Variants in EFNA5 observed in about 807,000 individuals in gnomAD.
EFNA5 encodes the protein ephrin A5, also known as ephrin-A5.
In EFNA5, 5 loss-of-function variants were observed where a neutral mutation model predicts 22.9. That is an observed-to-expected ratio of 0.22 (90% CI 0.11 to 0.46). The LOEUF is 0.46. Among genes scored for constraint, EFNA5 ranks in the 20% least tolerant of loss-of-function variants. EFNA5 has a pLI of 0.99. For synonymous variants in EFNA5, 113 were observed against 112.2 expected, an observed-to-expected ratio of 1.01 and a Z score of -0.04; for missense variants, 237 against 293.3, an observed-to-expected ratio of 0.81 and a Z score of 1.40.
chr5:107,503,009 C>T (rs560399855), intron 1 of EFNA5, among the ~76,000 whole-genome samples: 35 of 152,174 alleles, frequency 2.3e-4, no homozygotes, highest in Middle Eastern at 3.4e-3. Context: ...GGCTTTTGCC[C>T]GAGTCTGAAA....
At chr5:107,479,665 C>T (rs1750405950) in intron 1 of EFNA5, among the ~76,000 whole-genome samples, 1 of 152,124 alleles carries the variant, frequency 6.6e-6, no homozygotes, top group African/African-American at 2.4e-5. Flanking sequence ...CAACTCCCTC[C>T]CTATGCAAAT....
intron 1 of EFNA5, among the ~76,000 whole-genome samples, chr5:107,557,500 G>A (rs145426674): frequency 6.6e-4 from 101 of 152,332 alleles, no homozygotes; most frequent in African/African-American, 2.3e-3. Flanking sequence ...CGGTGCCTGG[G>A]GCAATGTGGT....
At chr5:107,513,259 A>AGG (rs1219080286) in intron 1 of EFNA5, among the ~76,000 whole-genome samples, 6 of 152,104 alleles carry the variant, frequency 3.9e-5, no homozygotes, top group Non-Finnish European at 7.4e-5. Context: ...GGAGAGGGAG[A>AGG]GGGAGAGAGA....
chr5:107,431,832 C>T (rs933624266), intron 1 of EFNA5, among the ~76,000 whole-genome samples: 2 of 152,126 alleles, frequency 1.3e-5, no homozygotes, highest in Non-Finnish European at 1.5e-5. Context: ...ATGAAATCCT[C>T]GAAACAACCC....
intron 1 of EFNA5, among the ~76,000 whole-genome samples, chr5:107,485,794 T>C (rs1746600890): frequency 6.6e-6 from 1 of 152,218 alleles, no homozygotes; most frequent in South Asian, 2.1e-4. Flanking sequence ...CTGTCTCAGA[T>C]AAAGTTCTCC....
At chr5:107,451,675 T>C (rs1407416264) in intron 1 of EFNA5, among the ~76,000 whole-genome samples, 2 of 152,110 alleles carry the variant, frequency 1.3e-5, no homozygotes, top group Non-Finnish European at 2.9e-5. Context: ...AGCATATAAA[T>C]TAAACAAGCC....
intron 2 of EFNA5, among the ~76,000 whole-genome samples, chr5:107,416,464 G>GT (rs746750131): frequency 3.9e-5 from 6 of 152,110 alleles, no homozygotes; most frequent in Non-Finnish European, 5.9e-5. Flanking sequence ...CTGAGCCTCA[G>GT]TTTCCTCATC....
intron 1 of EFNA5, among the ~76,000 whole-genome samples, chr5:107,559,759 G>C (rs459637): frequency 0.21 from 31,778 of 152,106 alleles, 3,971 homozygotes; most frequent in South Asian, 0.34. Context: ...ATTGCTGAAA[G>C]AAAATAGAAA....
intron 1 of EFNA5, among the ~76,000 whole-genome samples, chr5:107,481,658 GGC>G (rs1750465013): frequency 6.6e-6 from 1 of 151,904 alleles, no homozygotes; most frequent in African/African-American, 2.4e-5. Context: ...AGACCAGCCT[GGC>G]CAACATGGTG....
At chr5:107,609,696 C>T (rs922801345) in intron 1 of EFNA5, among the ~76,000 whole-genome samples, 1 of 152,090 alleles carries the variant, frequency 6.6e-6, no homozygotes, top group African/African-American at 2.4e-5. Context: ...ATTGTTTCTT[C>T]CTAAATTTAC....
At chr5:107,566,134 C>T (rs1012160054) in intron 1 of EFNA5, among the ~76,000 whole-genome samples, 2 of 152,146 alleles carry the variant, frequency 1.3e-5, no homozygotes, top group Non-Finnish European at 2.9e-5. Context: ...GTGGTCCCCT[C>T]GCTCCTACCC....
chr5:107,516,752 G>A (rs917282548), intron 1 of EFNA5, among the ~76,000 whole-genome samples: 2 of 152,190 alleles, frequency 1.3e-5, no homozygotes, highest in Non-Finnish European at 2.9e-5. Context: ...CATTTATTTA[G>A]TAAAGCCAGG....
intron 1 of EFNA5, among the ~76,000 whole-genome samples, chr5:107,621,712 A>G (rs1233761537): frequency 6.6e-6 from 1 of 152,248 alleles, no homozygotes; most frequent in Non-Finnish European, 1.5e-5. Flanking sequence ...GCATTAAACT[A>G]GAAAACATGT....
chr5:107,425,217 A>T (rs796932126), intron 2 of EFNA5, among the ~76,000 whole-genome samples: 12 of 152,368 alleles, frequency 7.9e-5, no homozygotes, highest in African/African-American at 2.9e-4. Context: ...ATATTTGAAT[A>T]ATAACATCTT....
intron 1 of EFNA5, among the ~76,000 whole-genome samples, chr5:107,515,428 G>A (rs1007610484): frequency 1.4e-5 from 2 of 147,908 alleles, no homozygotes; most frequent in Non-Finnish European, 3.0e-5. Context: ...TGCCAGGCTA[G>A]AGTGCAGTGG....
intron 4 of EFNA5, among the ~76,000 whole-genome samples, chr5:107,386,148 C>CAAAAAAAA (rs33964723): frequency 1.3e-5 from 1 of 79,488 alleles, no homozygotes; most frequent in African/African-American, 5.1e-5. Flanking sequence ...AGAAATTCTA[C>CAAAAAAAA]AAAAAAAAAA....
intron 1 of EFNA5, among the ~76,000 whole-genome samples, chr5:107,661,451 C>A (rs1466388530): frequency 6.6e-6 from 1 of 152,218 alleles, no homozygotes. Context: ...GTGTCAGTCA[C>A]TTCAAAAACG....
intron 1 of EFNA5, among the ~76,000 whole-genome samples, chr5:107,555,677 A>G (rs1748395372): frequency 6.6e-6 from 1 of 152,236 alleles, no homozygotes; most frequent in Non-Finnish European, 1.5e-5. Context: ...ATTCTTCTAT[A>G]ATCGTAGTGT....
Position 107,482,834 on chromosome 5 carries a change from C to CTCTG in EFNA5, c.126-55326_126-55325insCAGA, listed in dbSNP as rs1750514579. Among the ~76,000 whole-genome samples the CTCTG allele has an allele frequency of 5.4e-5, 3 of 55,134 alleles. No homozygotes were observed. In the South Asian group the frequency reaches 2.1e-3, roughly 38 times the overall value. 36.2% of individuals were successfully genotyped at this position (55,134 alleles called of 152,430 possible). ...TCTCTGTCTCTCTCTCTGTCTCTGTCTCTCTCTCTCTCTCTCTCTCTCTCT... is the reference window on the plus strand; with the variant it reads ...TCTCTGTCTCTCTCTCTGTCTCTGTCTCTGTCTCTCTCTCTCTCTCTCTCTCTCT... On this transcript the variant is annotated intron_variant, in intron 1 of 4. Transcript: ENST00000333274.
Sources: gnomAD v4.1 joint callset for allele counts (sites outside exome capture counted in the v4.1 genomes callset) on GRCh38, gnomAD v4.1.1 for gene constraint, MANE v1.5 for transcripts, NCBI Gene and HGNC (gene_info 2026-07-23, HGNC 2026-07-21) for gene names.